Variants in SLC35F4 observed in about 807,000 individuals in gnomAD.
SLC35F4 encodes the protein chromosome 14 open reading frame 36.
In SLC35F4, 24 loss-of-function variants were observed where a neutral mutation model predicts 44.2. That is an observed-to-expected ratio of 0.54 (90% CI 0.39 to 0.76). The LOEUF (loss-of-function observed/expected upper bound fraction) is 0.76. SLC35F4 is among the 30% of genes least tolerant of loss of function. SLC35F4 has a pLI of 0.00. For synonymous variants in SLC35F4, 238 were observed against 223.6 expected, an observed-to-expected ratio of 1.06 and a Z score of -0.57; for missense variants, 562 against 586.1, an observed-to-expected ratio of 0.96 and a Z score of 0.42.
downstream of SLC35F4, among the ~76,000 whole-genome samples, chr14:57,971,930 C>T (rs1046908642): frequency 2.5e-4 from 38 of 152,100 alleles, 1 homozygote; most frequent in Non-Finnish European, 2.9e-4. Flanking sequence ...AACAAGAAGC[C>T]GAGATGGAAA....
intron 1 of SLC35F4, among the ~76,000 whole-genome samples, chr14:57,605,947 C>T (rs1389928484): frequency 6.6e-6 from 1 of 152,088 alleles, no homozygotes; most frequent in African/African-American, 2.4e-5. Flanking sequence ...ACGATAAACA[C>T]TGGGGAAGAC....
At chr14:57,865,107 G>T (rs1253581829) in intron 1 of SLC35F4, among the ~76,000 whole-genome samples, 1 of 126,568 alleles carries the variant, frequency 7.9e-6, no homozygotes, top group South Asian at 2.8e-4. Flanking sequence ...CTGGCTCCAA[G>T]CTCTGGGGCT....
chr14:57,605,076 G>A (rs2071071181), intron 1 of SLC35F4, among the ~76,000 whole-genome samples: 1 of 81,728 alleles, frequency 1.2e-5, no homozygotes, highest in Admixed American at 1.5e-4. Flanking sequence ...GTCCCCAAAA[G>A]CAATTGAAAA....
In SLC35F4 at chr14:57,625,534, C is replaced by G. The variant is rs964194537; in HGVS notation, c.104-31410G>C. On this transcript the variant is annotated intron_variant, in intron 1 of 7. Transcript: ENST00000556826. ...AAAGAACAAAGCTGGAGGCGTCATG[C>G]TACCTGACTTCAAACTATACTACAA... Among the ~76,000 whole-genome samples, 54 of 152,264 alleles carry G rather than the reference C, an allele frequency of 3.5e-4. 1 individual carries two copies. Among genetic ancestry groups the G allele is most frequent in the Non-Finnish European group, 2.5e-4 (17 of 68,022 alleles).
At chr14:57,621,909 A>G (rs1278429096) in intron 1 of SLC35F4, among the ~76,000 whole-genome samples, 2 of 150,976 alleles carry the variant, frequency 1.3e-5, no homozygotes, top group African/African-American at 2.4e-5. Context: ...AATTTTTGCA[A>G]CCTACTCATC....
chr14:57,767,934 A>C (rs1870306885), intron 1 of SLC35F4, among the ~76,000 whole-genome samples: 1 of 152,218 alleles, frequency 6.6e-6, no homozygotes, highest in Non-Finnish European at 1.5e-5. Flanking sequence ...GTCTCTCAAA[A>C]ACTTTTACAA....
chr14:57,688,896 C>G (rs1013956997), intron 1 of SLC35F4, among the ~76,000 whole-genome samples: 3 of 152,114 alleles, frequency 2.0e-5, no homozygotes, highest in African/African-American at 7.2e-5. Context: ...AGGCAATTAA[C>G]CTGGTTAAAA....
At chr14:57,742,865 C>A (rs2076650667) in intron 1 of SLC35F4, among the ~76,000 whole-genome samples, 2 of 152,142 alleles carry the variant, frequency 1.3e-5, no homozygotes, top group South Asian at 4.2e-4. Context: ...GAAATTATAA[C>A]AAACTGTCTC....
chr14:57,657,678 C>A (rs925040039), intron 1 of SLC35F4, among the ~76,000 whole-genome samples: 1 of 152,150 alleles, frequency 6.6e-6, no homozygotes, highest in East Asian at 1.9e-4. Context: ...ATTCTCTACA[C>A]AGACTGCAGC....
intron 1 of SLC35F4, among the ~76,000 whole-genome samples, chr14:57,919,104 G>T (rs919059537): frequency 2.0e-5 from 3 of 152,152 alleles, no homozygotes; most frequent in Admixed American, 2.0e-4. Context: ...CCATGGTTTG[G>T]ATGCAGAAGA....
intron 1 of SLC35F4, among the ~76,000 whole-genome samples, chr14:57,832,116 T>C (rs1181861320): frequency 6.6e-6 from 1 of 152,108 alleles, no homozygotes; most frequent in Non-Finnish European, 1.5e-5. Flanking sequence ...AGGAGCAAGA[T>C]TGGAGAAGTT....
intron 1 of SLC35F4, among the ~76,000 whole-genome samples, chr14:57,735,329 A>G (rs28395471): frequency 2.0e-5 from 3 of 152,268 alleles, no homozygotes; most frequent in South Asian, 4.1e-4. Context: ...AGTCAGCCCT[A>G]ATTTGTTGGC....
chr14:57,964,984 A>AT (rs1206455816), intron 1 of SLC35F4, among the ~76,000 whole-genome samples: 287 of 140,396 alleles, frequency 2.0e-3, no homozygotes, highest in African/African-American at 7.4e-3. Flanking sequence ...GAAAAAAAAA[A>AT]AAAAAAAATA....
chr14:57,603,458 A>G (rs935930216), intron 1 of SLC35F4, among the ~76,000 whole-genome samples: 5 of 152,194 alleles, frequency 3.3e-5, no homozygotes, highest in African/African-American at 7.2e-5. Context: ...ACAGTGCCCT[A>G]CATCCTACAA....
At chr14:57,637,045 C>T (rs141875390) in intron 1 of SLC35F4, among the ~76,000 whole-genome samples, 3,303 of 152,160 alleles carry the variant, frequency 0.022, 58 homozygotes, top group South Asian at 0.071. Context: ...ATGAATCTTA[C>T]GTAAAAGTGG....
At position 57,566,332 on chromosome 14, in the gene SLC35F4, C is replaced by T; in HGVS notation, c.1216+143G>A. The T allele has an allele frequency of 1.5e-6, 1 of 678,102 alleles. No individual in the cohort carries two copies. Among genetic ancestry groups the T allele is most frequent in the South Asian group, 2.5e-5 (1 of 39,808 alleles). 42.0% of individuals were successfully genotyped at this position (678,102 alleles called of 1,614,324 possible). On this transcript the variant is annotated intron_variant, in intron 7 of 7. Coordinates refer to ENST00000556826, the MANE Select transcript of SLC35F4 (RefSeq NM_001306087.2). ...TGCTGCATAGTTACTCTGTTGTCTG[C>T]CACCTTCATGATATTTAAAAACATC...
At chr14:57,698,847 A>G (rs112873884) in intron 1 of SLC35F4, among the ~76,000 whole-genome samples, 4 of 152,170 alleles carry the variant, frequency 2.6e-5, no homozygotes, top group African/African-American at 7.2e-5. Context: ...GCTGGTCTCA[A>G]ACTCCTGACC....
At chr14:57,679,944 C>T (rs1436974735) in intron 1 of SLC35F4, among the ~76,000 whole-genome samples, 3 of 151,922 alleles carry the variant, frequency 2.0e-5, no homozygotes, top group Non-Finnish European at 4.4e-5. Flanking sequence ...CTACCAGAGG[C>T]ACAAAGAGGA....
chr14:57,871,023 C>G (rs768512792), upstream of SLC35F4, among the ~76,000 whole-genome samples: 1 of 152,182 alleles, frequency 6.6e-6, no homozygotes, highest in Non-Finnish European at 1.5e-5. Flanking sequence ...GGAAAGGGAC[C>G]GAGGCTGTTA....
Sources: gnomAD v4.1 joint callset for allele counts (sites outside exome capture counted in the v4.1 genomes callset) on GRCh38, gnomAD v4.1.1 for gene constraint, MANE v1.5 for transcripts, NCBI Gene and HGNC (gene_info 2026-07-23, HGNC 2026-07-21) for gene names.